ABCB5: variants seen among roughly 807,000 people sequenced by gnomAD.
ABCB5 encodes ATP-binding cassette sub-family B member 5.
Under a neutral mutation model 144.2 loss-of-function variants are expected in ABCB5, and 155 were observed. The observed-to-expected ratio is 1.08, with a 90% CI of 0.94 to 1.23. The LOEUF is 1.23. Ranked by LOEUF, ABCB5 falls within the 50% of genes most tolerant of loss-of-function variation. The pLI is 0.00. For synonymous variants in ABCB5, 610 were observed against 528.6 expected, an observed-to-expected ratio of 1.15 and a Z score of -2.11; for missense variants, 1,830 against 1,520.8, an observed-to-expected ratio of 1.20 and a Z score of -3.38.
intron 13 of ABCB5, among the ~76,000 whole-genome samples, 178 bp from the exon 14 acceptor site, chr7:20,658,325 CTCT>C (rs1317637349): frequency 7.6e-6 from 1 of 131,122 alleles, no homozygotes; most frequent in East Asian, 2.1e-4. Context: ...CTTCTTTGGG[CTCT>C]TTTTTTTTTT....
Position 20,739,067 on chromosome 7 carries a change from G to T in ABCB5, c.2952G>T (p.Gly984=). 1 of 1,612,076 alleles carries T rather than the reference G, an allele frequency of 6.2e-7. No homozygotes were observed. The highest frequency in any genetic ancestry group is 8.5e-7 in the Non-Finnish European group (1 of 1,179,166). Residue 984 remains glycine (G), a synonymous_variant, in exon 24 of 28, where the codon GGG becomes GGT. Transcript: ENST00000404938. ...LAPEYSKAKS[G]AAHLFALLEK... ...CTGAATATTCCAAAGCCAAATCGGG[G>T]GCTGCGCATCTGTTTGCCTTGTTGG...
In ABCB5 at chr7:20,704,714, T is replaced by A; in HGVS notation, c.2338-10T>A. On this transcript the variant is annotated splice_polypyrimidine_tract_variant and intron_variant, in intron 19 of 27. Transcript: ENST00000404938. ...TTTGACAACCATATGTTAATTCTCC[T>A]TTTCTCTAGGATATTGCCTGGTTTG... 1 of 1,609,558 alleles carries A rather than the reference T, an allele frequency of 6.2e-7. No homozygotes were observed. Among genetic ancestry groups the A allele is most frequent in the Non-Finnish European group, 8.5e-7 (1 of 1,177,854 alleles).
intron 16 of ABCB5, among the ~76,000 whole-genome samples, chr7:20,694,147 T>C (rs989687554): frequency 1.3e-5 from 2 of 150,176 alleles, no homozygotes; most frequent in African/African-American, 4.9e-5. Flanking sequence ...TACTCTGATA[T>C]CAAAATTAGA....
chr7:20,677,098 C>A (rs1337673355), intron 14 of ABCB5, among the ~76,000 whole-genome samples: 1 of 152,154 alleles, frequency 6.6e-6, no homozygotes, highest in African/African-American at 2.4e-5. Context: ...TTTATTGAGA[C>A]AGTGTGGACT....
At chr7:20,729,985 A>G (rs112456981) in intron 23 of ABCB5, among the ~76,000 whole-genome samples, 146 of 152,362 alleles carry the variant, frequency 9.6e-4, no homozygotes, top group Non-Finnish European at 1.7e-3. Context: ...AAGTAATTTC[A>G]GAATAACTTG....
intron 15 of ABCB5, among the ~76,000 whole-genome samples, chr7:20,685,349 T>C (rs1340980158): frequency 6.6e-6 from 1 of 152,308 alleles, no homozygotes. Context: ...CAGAAATGGC[T>C]AGGAGGAAGG....
chr7:20,617,969 A>G (rs1011343958), intron 1 of ABCB5, among the ~76,000 whole-genome samples: 4 of 152,252 alleles, frequency 2.6e-5, no homozygotes, highest in African/African-American at 9.6e-5. Flanking sequence ...ATAAACACTG[A>G]CAGAAGCAGA....
In ABCB5 at chr7:20,659,104, A is replaced by C. The variant is rs537259350; in HGVS notation, c.1707+428A>C. The C allele has an allele frequency of 3.1e-6, 5 of 1,613,942 alleles. No homozygotes were observed. In the South Asian group the frequency reaches 5.5e-5, roughly 18 times the overall value. ...ATTCATTTTGACCTAATTTCACCTC[A>C]AGTGGAGAATCGCTGACCTTGAACC... On this transcript the variant is annotated intron_variant, in intron 14 of 27. Coordinates refer to ENST00000404938, the MANE Select transcript of ABCB5 (RefSeq NM_001163941.2).
intron 15 of ABCB5, among the ~76,000 whole-genome samples, chr7:20,683,454 T>G (rs1180347706): frequency 1.3e-5 from 2 of 152,156 alleles, no homozygotes; most frequent in African/African-American, 4.8e-5. Flanking sequence ...TAAGCCTATT[T>G]TAAGATTTTT....
At chr7:20,693,832 T>C (rs1786314710) in intron 16 of ABCB5, among the ~76,000 whole-genome samples, 1 of 151,480 alleles carries the variant, frequency 6.6e-6, no homozygotes, top group South Asian at 2.1e-4. Flanking sequence ...CTACAGATTC[T>C]ACATATATTA....
intron 14 of ABCB5, among the ~76,000 whole-genome samples, chr7:20,675,005 C>T (rs930179677): frequency 6.6e-6 from 1 of 151,780 alleles, no homozygotes; most frequent in Non-Finnish European, 1.5e-5. Flanking sequence ...TTAGAGAAGA[C>T]ACAAATAAAA....
chr7:20,679,359 C>T (rs1219662783), intron 14 of ABCB5, among the ~76,000 whole-genome samples: 2 of 150,902 alleles, frequency 1.3e-5, no homozygotes, highest in African/African-American at 2.4e-5. Flanking sequence ...ATGCCAGCTA[C>T]TCTGGAGGCT....
Position 20,727,098 on chromosome 7 carries a change from C to G in ABCB5, c.2684C>G (p.Ala895Gly). The G allele has an allele frequency of 6.2e-7, 1 of 1,613,594 alleles. No individual in the cohort carries two copies. The highest frequency in any genetic ancestry group is 1.7e-4 in the Middle Eastern group (1 of 6,046). The change falls in exon 22 of 28, where the codon GCC becomes GGC. Residue 895 changes from alanine (A) to glycine (G), a missense_variant. Transcript: ENST00000404938. Reference protein sequence around the residue: ...RTIVSLTREKAFEQMYEEMLQ... With the variant: ...RTIVSLTREKGFEQMYEEMLQ... ...ATAGTGTCATTAACAAGGGAAAAAG[C>G]CTTCGAGCAAATGTATGAAGAGATG...
intron 23 of ABCB5, among the ~76,000 whole-genome samples, 158 bp downstream of exon 23, chr7:20,728,613 G>A (rs757159289): frequency 1.3e-5 from 2 of 152,150 alleles, no homozygotes; most frequent in Admixed American, 6.5e-5. Context: ...AATTAGCTGG[G>A]TGTGGTGGCA....
In ABCB5 at chr7:20,756,317, C is replaced by T. The variant is rs995164649; in HGVS notation, c.*693C>T. 6.6e-6 allele frequency: 1 copy of T among 152,244 alleles called. No homozygotes were observed. 9.4% of individuals were successfully genotyped at this position (152,244 alleles called of 1,614,324 possible). A position where few individuals can be genotyped will look rare whatever the true frequency, so the allele number is the denominator to read the frequency against. On this transcript the variant is annotated 3_prime_UTR_variant, in exon 28 of 28. Coordinates refer to ENST00000404938, the MANE Select transcript of ABCB5 (RefSeq NM_001163941.2). ...TTTGGCAGTATAAGTCACAGGCCTA[C>T]CTGTTTATGAAAACTTACTTACTTA...
chr7:20,718,622 G>C (rs763572546), intron 20 of ABCB5, among the ~76,000 whole-genome samples: 1 of 152,138 alleles, frequency 6.6e-6, no homozygotes, highest in African/African-American at 2.4e-5. Context: ...GGGGGGGAGG[G>C]AGGATTTGTT....
Position 20,709,728 on chromosome 7 carries a change from C to A in ABCB5, c.2421+4921C>A, listed in dbSNP as rs374409812. On this transcript the variant is annotated intron_variant, in intron 20 of 27. Transcript: ENST00000404938. ...GTGGCACATATGGTTTCTCTAGCAG[C>A]TACCATCACTATAACCTAAGACAGC... Among the ~76,000 whole-genome samples the A allele has an allele frequency of 2.0e-4, 30 of 149,922 alleles. 2 individuals are homozygous for A. Among genetic ancestry groups the A allele is most frequent in the Admixed American group, 1.4e-3 (21 of 15,046 alleles).
intron 26 of ABCB5, among the ~76,000 whole-genome samples, chr7:20,750,721 G>A (rs1005418522): frequency 5.9e-5 from 9 of 152,086 alleles, no homozygotes; most frequent in Non-Finnish European, 2.9e-5. Context: ...AACTCCAACG[G>A]TTTCGGTAAG....
At chr7:20,668,147 G>A (rs1367679034) in intron 14 of ABCB5, among the ~76,000 whole-genome samples, 363 of 137,046 alleles carry the variant, frequency 2.6e-3, no homozygotes, top group Middle Eastern at 0.015. Flanking sequence ...CCGCCACCCC[G>A]TCTGGGAAGT....
Sources: allele counts gnomAD v4.1 joint callset (sites outside exome capture counted in the v4.1 genomes callset), GRCh38; gene constraint gnomAD v4.1.1; transcripts MANE v1.5; gene names NCBI Gene and HGNC (gene_info 2026-07-23, HGNC 2026-07-21).